Variants in TGFBR2 observed in about 807,000 individuals in gnomAD.
The protein encoded by TGFBR2 is TGF-beta receptor type-2.
Under a neutral mutation model 49.0 loss-of-function variants are expected in TGFBR2, and 18 were observed. The ratio of observed to expected loss-of-function variants is 0.37; its 90% CI spans 0.25 to 0.54. The LOEUF (loss-of-function observed/expected upper bound fraction) is 0.54. Among genes scored for constraint, TGFBR2 ranks in the 20% least tolerant of loss-of-function variants. The pLI, the probability that TGFBR2 is intolerant of heterozygous loss-of-function variation, is 0.85. For missense variants in TGFBR2, 525 were observed against 722.6 expected (o/e 0.73, Z 3.13); for synonymous variants, 282 against 275.9 (o/e 1.02, Z -0.22).
rs1329604748 is a variant in TGFBR2, at chr3:30,644,647, G to A, written c.95-100G>A. 8 of 1,132,916 alleles carry A rather than the reference G, an allele frequency of 7.1e-6. 1 individual carries two copies. The highest frequency in any genetic ancestry group is 6.5e-5 in the South Asian group (5 of 76,850). 70.2% of individuals were successfully genotyped at this position (1,132,916 alleles called of 1,614,324 possible). A position where few individuals can be genotyped will look rare whatever the true frequency, so the allele number is the denominator to read the frequency against. On this transcript the variant is annotated intron_variant, in intron 1 of 6. Transcript: ENST00000295754. ...TGCCTTTCTTCAGATTCATTCTCAT[G>A]ACATCAAGTTCATTTGAAATTGCAT...
At chr3:30,685,151 TAGTC>T (rs879303955) in intron 5 of TGFBR2, among the ~76,000 whole-genome samples, 2 of 152,182 alleles carry the variant, frequency 1.3e-5, no homozygotes, top group African/African-American at 2.4e-5. Flanking sequence ...TTGTTGTTGA[TAGTC>T]AGAGGAGAAA....
chr3:30,608,853 T>C (rs1330832667), intron 1 of TGFBR2, among the ~76,000 whole-genome samples: 1 of 152,198 alleles, frequency 6.6e-6, no homozygotes, highest in Non-Finnish European at 1.5e-5. Flanking sequence ...CTAAGTGACA[T>C]TTTGCTAATA....
At chr3:30,645,963 C>G (rs1039560108) in intron 2 of TGFBR2, among the ~76,000 whole-genome samples, 5 of 152,064 alleles carry the variant, frequency 3.3e-5, no homozygotes, top group African/African-American at 1.2e-4. Flanking sequence ...TAACCTTGAT[C>G]TTTAGAAGAG....
chr3:30,613,452 A>G (rs1380771416), intron 1 of TGFBR2, among the ~76,000 whole-genome samples: 2 of 151,926 alleles, frequency 1.3e-5, no homozygotes, highest in East Asian at 3.9e-4. Flanking sequence ...GAAGGCTGTC[A>G]TTGCTACTGG....
chr3:30,637,373 G>A (rs1475717764), intron 1 of TGFBR2, among the ~76,000 whole-genome samples: 1 of 152,174 alleles, frequency 6.6e-6, no homozygotes, highest in Non-Finnish European at 1.5e-5. Flanking sequence ...CCAAGTGAGG[G>A]ACTTGGCCAG....
chr3:30,640,085 G>A (rs1039236087), intron 1 of TGFBR2, among the ~76,000 whole-genome samples: 1 of 152,170 alleles, frequency 6.6e-6, no homozygotes, highest in Non-Finnish European at 1.5e-5. Context: ...CTGTCTGTAG[G>A]CAGTGAGTGT....
rs575552394 is a variant in TGFBR2 at position 30,681,014 on chromosome 3, C to T, written c.1396+6768C>T. Among the ~76,000 whole-genome samples the T allele has an allele frequency of 6.6e-5, 10 of 152,138 alleles. No individual in the cohort carries two copies. The South Asian group carries it at 8.3e-4, about 13-fold the overall frequency. On this transcript the variant is annotated intron_variant, in intron 5 of 6. Transcript: ENST00000295754. ...ATCCCCAGCCAAACTGGCCTGCAAGCACACTGACTTCCACATCCCTAGCAT... is the reference window on the plus strand; with the variant it reads ...ATCCCCAGCCAAACTGGCCTGCAAGTACACTGACTTCCACATCCCTAGCAT...
intron 1 of TGFBR2, chr3:30,623,087 A>C: frequency 1.4e-6 from 1 of 689,966 alleles, no homozygotes; most frequent in East Asian, 2.7e-5. Context: ...TAATCTTTTA[A>C]TAATCTCACA....
intron 1 of TGFBR2, among the ~76,000 whole-genome samples, chr3:30,607,867 T>A (rs1429265618): frequency 7.1e-6 from 1 of 141,284 alleles, no homozygotes; most frequent in Non-Finnish European, 1.5e-5. Context: ...ATAATATTAA[T>A]ATATATATGC....
intron 5 of TGFBR2, among the ~76,000 whole-genome samples, chr3:30,684,755 G>C (rs1325404484): frequency 6.6e-6 from 1 of 152,198 alleles, no homozygotes; most frequent in Non-Finnish European, 1.5e-5. Flanking sequence ...TTTAGGAAAA[G>C]TAGGAAGTAA....
chr3:30,614,092 T>G (rs1316648711), intron 1 of TGFBR2, among the ~76,000 whole-genome samples: 1 of 151,242 alleles, frequency 6.6e-6, no homozygotes, highest in Non-Finnish European at 1.5e-5. Flanking sequence ...AAGTGAACTT[T>G]AGCTCTATAC....
rs575460370 is a variant in TGFBR2 at position 30,692,120 on chromosome 3, G to A, written c.*521G>A. The A allele has an allele frequency of 3.6e-5, 8 of 224,696 alleles. 1 individual carries two copies. The South Asian group carries it at 1.5e-3, about 41-fold the overall frequency. 13.9% of individuals were successfully genotyped at this position (224,696 alleles called of 1,614,324 possible). The stretch of plus-strand genomic sequence containing the variant: ...CTCTGACTGTAAAACAGTGAACTTT[G>A]CATGAGGAAAGAGGCTCCATGTCTC... On this transcript the variant is annotated 3_prime_UTR_variant, in exon 7 of 7. Transcript: ENST00000295754.
intron 3 of TGFBR2, among the ~76,000 whole-genome samples, chr3:30,668,581 C>CT (rs3836404): frequency 0.06 from 9,163 of 151,968 alleles, 700 homozygotes; most frequent in East Asian, 0.41. Context: ...ACAAGAGCAT[C>CT]TTTTTTTTCT....
chr3:30,688,551 C>T (rs2125452437), intron 6 of TGFBR2, 40 bp downstream of exon 6: 1 of 1,613,280 alleles, frequency 6.2e-7, no homozygotes, highest in Non-Finnish European at 8.5e-7. Flanking sequence ...AAGATTCAAC[C>T]AAGTTGCCTC....
chr3:30,651,299 A>G lies in TGFBR2; in HGVS notation c.454+839A>G, dbSNP rs11466501. ...CCAATGCAACAGATCATCTGTATTG[A>G]CAATGTATTAGATGCACACACGTCT... On this transcript the variant is annotated intron_variant, in intron 3 of 6. Transcript: ENST00000295754. Among the ~76,000 whole-genome samples the G allele has an allele frequency of 5.2e-3, 787 of 152,290 alleles. 10 individuals are homozygous for G. Among genetic ancestry groups the G allele is most frequent in the African/African-American group, 0.018 (763 of 41,566 alleles).
intron 5 of TGFBR2, among the ~76,000 whole-genome samples, chr3:30,681,644 A>T (rs1699542987): frequency 6.6e-6 from 1 of 152,188 alleles, no homozygotes; most frequent in Admixed American, 6.5e-5. Context: ...AGTCGTTCTC[A>T]AGCAGTGAAA....
At chr3:30,612,372 G>T (rs1034771497) in intron 1 of TGFBR2, among the ~76,000 whole-genome samples, 1 of 152,098 alleles carries the variant, frequency 6.6e-6, no homozygotes, top group Non-Finnish European at 1.5e-5. Context: ...AGGTTCTTTC[G>T]TGTGGTCTCT....
intron 1 of TGFBR2, among the ~76,000 whole-genome samples, chr3:30,607,671 C>A (rs1219794715): frequency 6.6e-6 from 1 of 151,696 alleles, no homozygotes; most frequent in Non-Finnish European, 1.5e-5. Flanking sequence ...CAAGATAGTC[C>A]TGTCTTCAGG....
intron 2 of TGFBR2, among the ~76,000 whole-genome samples, chr3:30,648,005 T>G (rs1698798594): frequency 6.6e-6 from 1 of 152,206 alleles, no homozygotes; most frequent in African/African-American, 2.4e-5. Flanking sequence ...ATGTTGGTTC[T>G]TCTTTCAGTG....
Sources: gnomAD v4.1 joint callset for allele counts (sites outside exome capture counted in the v4.1 genomes callset) on GRCh38, gnomAD v4.1.1 for gene constraint, MANE v1.5 for transcripts, NCBI Gene and HGNC (gene_info 2026-07-23, HGNC 2026-07-21) for gene names.